Variants in SDC4 observed in about 807,000 individuals in gnomAD.
SDC4 encodes the protein syndecan 4, also known as syndecan-4.
Under a neutral mutation model 20.5 loss-of-function variants are expected in SDC4, and 17 were observed. That is an observed-to-expected ratio of 0.83 (90% CI 0.57 to 1.25). SDC4 has a LOEUF of 1.25. SDC4 is among the 50% of genes most tolerant of loss of function. SDC4 has a pLI of 0.00. For missense variants in SDC4, 241 were observed against 252.3 expected, an observed-to-expected ratio of 0.96 and a Z score of 0.30; for synonymous variants, 107 against 105.3, an observed-to-expected ratio of 1.02 and a Z score of -0.10.
intron 1 of SDC4, 21 bp from the exon 2 acceptor site, chr20:45,335,941 A>T (rs1435703043): frequency 6.2e-7 from 1 of 1,604,346 alleles, no homozygotes; most frequent in Non-Finnish European, 8.5e-7. Flanking sequence ...GAAAGGAGAC[A>T]CATCAGCCAA....
Position 45,327,083 on chromosome 20 carries a change from C to T in SDC4, c.*181G>A. 1 of 621,488 alleles carries T rather than the reference C, an allele frequency of 1.6e-6. No homozygotes were observed. The highest frequency in any genetic ancestry group is 2.6e-6 in the Non-Finnish European group (1 of 384,160). 38.5% of individuals were successfully genotyped at this position (621,488 alleles called of 1,614,324 possible). A position where few individuals can be genotyped will look rare whatever the true frequency, so the allele number is the denominator to read the frequency against. On this transcript the variant is annotated 3_prime_UTR_variant, in exon 5 of 5. Transcript: ENST00000372733. ...GCCAGGGCAACTGAGGCCCAAAGCT[C>T]AAGAAGAACCTGGCAGAACAGTAGA...
rs1987709978 is a variant in SDC4 at position 45,327,422 on chromosome 20, A to G, written c.446-7T>C. 6.2e-7 allele frequency: 1 copy of G among 1,610,548 alleles called. No individual in the cohort carries two copies. The highest frequency in any genetic ancestry group is 1.1e-5 in the South Asian group (1 of 90,902). ...ATGCCACCCACAATCAGAGCTGGAGAGGAGGAGAGAGAAGAGGCGGGGGTG... is the reference window on the plus strand; with the variant it reads ...ATGCCACCCACAATCAGAGCTGGAGGGGAGGAGAGAGAAGAGGCGGGGGTG... On this transcript the variant is annotated splice_polypyrimidine_tract_variant and splice_region_variant and intron_variant, in intron 4 of 4. Transcript: ENST00000372733.
At chr20:45,338,823 C>T (rs755461760) in intron 1 of SDC4, among the ~76,000 whole-genome samples, 11 of 152,154 alleles carry the variant, frequency 7.2e-5, no homozygotes, top group Non-Finnish European at 1.3e-4. Flanking sequence ...GAAGTCACCC[C>T]GGGGCTCCGC....
intron 1 of SDC4, among the ~76,000 whole-genome samples, chr20:45,346,909 A>G (rs2145719375): frequency 6.6e-6 from 1 of 152,282 alleles, no homozygotes; most frequent in Non-Finnish European, 1.5e-5. Context: ...AGAAACTTGA[A>G]AGCCTGGCTG....
intron 3 of SDC4, among the ~76,000 whole-genome samples, chr20:45,331,827 ATAATC>A (rs1195056024): frequency 6.6e-6 from 1 of 152,170 alleles, no homozygotes; most frequent in Non-Finnish European, 1.5e-5. Flanking sequence ...AAACTCATGA[ATAATC>A]TACCCCTTGC....
chr20:45,334,800 T>A (rs1391690636), intron 2 of SDC4, among the ~76,000 whole-genome samples: 2 of 152,350 alleles, frequency 1.3e-5, no homozygotes, highest in East Asian at 1.9e-4. Flanking sequence ...AAATTTATTT[T>A]TTTTTTAAAC....
At chr20:45,342,858 A>G (rs1368846431) in intron 1 of SDC4, among the ~76,000 whole-genome samples, 2 of 152,154 alleles carry the variant, frequency 1.3e-5, no homozygotes, top group Non-Finnish European at 2.9e-5. Flanking sequence ...ATATGCACAG[A>G]CACCACCTCC....
At chr20:45,328,051 G>A (rs1448995619) in intron 4 of SDC4, among the ~76,000 whole-genome samples, 5 of 152,206 alleles carry the variant, frequency 3.3e-5, no homozygotes, top group South Asian at 2.1e-4. Context: ...GGAGAAAACC[G>A]TAGGCTATGG....
Position 45,326,383 on chromosome 20 carries a change from T to TAAAAAA in SDC4, c.*875_*880dup, listed in dbSNP as rs35186241. The TAAAAAA allele has an allele frequency of 1.2e-4, 12 of 97,686 alleles. No homozygotes were observed. The highest frequency in any genetic ancestry group is 1.6e-4 in the Non-Finnish European group (8 of 49,018). 6.1% of individuals were successfully genotyped at this position (97,686 alleles called of 1,614,324 possible). On this transcript the variant is annotated 3_prime_UTR_variant, in exon 5 of 5. Coordinates refer to ENST00000372733, the MANE Select transcript of SDC4 (RefSeq NM_002999.4). ...AGGCCCTATCTAAAGCTATAAATAGTAAAAAAAAAAAAAAAAAAAAAAAAT... is the reference window on the plus strand; with the variant it reads ...AGGCCCTATCTAAAGCTATAAATAGTAAAAAAAAAAAAAAAAAAAAAAAAAAAAAAT...
chr20:45,334,001 T>TTTC (rs1491124720), intron 2 of SDC4, among the ~76,000 whole-genome samples: 5 of 6,382 alleles, frequency 7.8e-4, no homozygotes, highest in Non-Finnish European at 1.3e-3. Context: ...CAAAATCTAC[T>TTTC]TTTTTTTTTT....
Position 45,327,477 on chromosome 20 carries a change from C to T in SDC4, c.446-62G>A, listed in dbSNP as rs946652440. ...CTCCTCATCAGGACCTAAGGATGAA[C>T]CCCTCTTTCCCCCACTGTCAGTTCT... On this transcript the variant is annotated intron_variant, in intron 4 of 4. Coordinates refer to ENST00000372733, the MANE Select transcript of SDC4 (RefSeq NM_002999.4). 7.9e-6 allele frequency: 12 copies of T among 1,513,680 alleles called. No homozygotes were observed. In the Middle Eastern group the frequency reaches 1.5e-3, roughly 186 times the overall value. 93.8% of individuals were successfully genotyped at this position (1,513,680 alleles called of 1,614,324 possible).
Position 45,327,070 on chromosome 20 carries a change from G to A in SDC4, c.*194C>T, listed in dbSNP as rs1987702388. ...AATCCATTTTTCTGCCAGGGCAACT[G>A]AGGCCCAAAGCTCAAGAAGAACCTG... On this transcript the variant is annotated 3_prime_UTR_variant, in exon 5 of 5. Transcript: ENST00000372733. 1.8e-6 allele frequency: 1 copy of A among 552,032 alleles called. No homozygotes were observed. The highest frequency in any genetic ancestry group is 3.2e-5 in the Admixed American group (1 of 31,030). The allele number at this position is 552,032 out of a possible 1,614,324, so 34.2% of individuals were successfully genotyped here. A position where few individuals can be genotyped will look rare whatever the true frequency, so the allele number is the denominator to read the frequency against.
rs6017548 is a variant in SDC4, at chr20:45,338,321, G to A, written c.61-2401C>T. ...CACACGCATGAACACATATGTACAC[G>A]GGGTCACCAGCCTGCCCCAGGCTCC... On this transcript the variant is annotated intron_variant, in intron 1 of 4. Coordinates refer to ENST00000372733, the MANE Select transcript of SDC4 (RefSeq NM_002999.4). Among the ~76,000 whole-genome samples the A allele has an allele frequency of 6.5e-3, 993 of 152,196 alleles. 13 individuals carry two copies. Among genetic ancestry groups the A allele is most frequent in the African/African-American group, 0.023 (947 of 41,492 alleles).
At chr20:45,343,785 A>G (rs1439229305) in intron 1 of SDC4, among the ~76,000 whole-genome samples, 1 of 152,142 alleles carries the variant, frequency 6.6e-6, no homozygotes, top group African/African-American at 2.4e-5. Flanking sequence ...AAGGAAGGGA[A>G]CTGTCACTAA....
At chr20:45,333,542 G>A (rs923624873) in intron 2 of SDC4, among the ~76,000 whole-genome samples, 16 of 152,188 alleles carry the variant, frequency 1.1e-4, no homozygotes, top group African/African-American at 3.9e-4. Context: ...GATGGCACGC[G>A]CCTGTAATCC....
Position 45,327,116 on chromosome 20 carries a change from G to T in SDC4, c.*148C>A. 2 of 741,526 alleles carry T rather than the reference G, an allele frequency of 2.7e-6. No individual in the cohort carries two copies. Among genetic ancestry groups the T allele is most frequent in the Admixed American group, 2.9e-5 (1 of 34,576 alleles). The allele number at this position is 741,526 out of a possible 1,614,324, so 45.9% of individuals were successfully genotyped here. A position where few individuals can be genotyped will look rare whatever the true frequency, so the allele number is the denominator to read the frequency against. ...ACCTGGCAGAACAGTAGAAGACAAT[G>T]TCTCTTCTGAACACTTCAAAGGTAA... On this transcript the variant is annotated 3_prime_UTR_variant, in exon 5 of 5. Transcript: ENST00000372733.
rs1987698243 is a variant in SDC4, at chr20:45,326,844, G to C, written c.*420C>G. The C allele has an allele frequency of 6.3e-6, 1 of 159,106 alleles. No homozygotes were observed. The allele number at this position is 159,106 out of a possible 1,614,324, so 9.9% of individuals were successfully genotyped here. A position where few individuals can be genotyped will look rare whatever the true frequency, so the allele number is the denominator to read the frequency against. On this transcript the variant is annotated 3_prime_UTR_variant, in exon 5 of 5. Coordinates refer to ENST00000372733, the MANE Select transcript of SDC4 (RefSeq NM_002999.4). ...TCCTTCCCCCATTTCCTGGCAGAGA[G>C]ACCGGCTGTGAAAGGAAGGGAGGAA... is the stretch of plus-strand genomic sequence containing the variant.
intron 1 of SDC4, among the ~76,000 whole-genome samples, chr20:45,347,496 G>T (rs899712993): frequency 6.6e-6 from 1 of 152,104 alleles, no homozygotes; most frequent in Non-Finnish European, 1.5e-5. Flanking sequence ...AGAAGGAAAG[G>T]TTTCCCTGGG....
Position 45,339,604 on chromosome 20 carries a change from G to T in SDC4, c.61-3684C>A, listed in dbSNP as rs935561099. Among the ~76,000 whole-genome samples the T allele has an allele frequency of 3.9e-5, 6 of 152,306 alleles. No individual in the cohort carries two copies. In the South Asian group the frequency reaches 1.2e-3, roughly 32 times the overall value. On this transcript the variant is annotated intron_variant, in intron 1 of 4. Coordinates refer to ENST00000372733, the MANE Select transcript of SDC4 (RefSeq NM_002999.4). ...TCTCTACAAAAATTAGCCAAATGTG[G>T]TTGTGCACGCCTGTGGTCCCAGCTA...
Sources: gnomAD v4.1 joint callset for allele counts (sites outside exome capture counted in the v4.1 genomes callset) on GRCh38, gnomAD v4.1.1 for gene constraint, MANE v1.5 for transcripts, NCBI Gene and HGNC (gene_info 2026-07-23, HGNC 2026-07-21) for gene names.